The following ARHGEF28 variants were observed in gnomAD, a reference collection of about 807,000 sequenced individuals.
ARHGEF28 encodes the protein 190 kDa guanine nucleotide exchange factor.
ARHGEF28 carries 152 observed loss-of-function variants against 206.6 expected under a neutral mutation model. That is an observed-to-expected ratio of 0.74 (90% CI 0.64 to 0.84). The LOEUF is 0.84. Ranked by LOEUF, ARHGEF28 falls within the 40% of genes least tolerant of loss-of-function variation. ARHGEF28 has a pLI of 0.00. For synonymous variants in ARHGEF28, 763 were observed against 776.4 expected (o/e 0.98, Z 0.29); for missense variants, 2,028 against 2,073.2 (o/e 0.98, Z 0.42).
intron 2 of ARHGEF28, among the ~76,000 whole-genome samples, chr5:73,734,455 C>T (rs1016292059): frequency 2.6e-5 from 4 of 152,132 alleles, no homozygotes; most frequent in Admixed American, 1.3e-4. Flanking sequence ...GAGCAGGACA[C>T]ACTTCTAGGC....
chr5:73,892,942 G>A (rs1278183534), intron 27 of ARHGEF28, among the ~76,000 whole-genome samples: 1 of 152,142 alleles, frequency 6.6e-6, no homozygotes, highest in African/African-American at 2.4e-5. Flanking sequence ...TGTGTGTGGT[G>A]AGTGTATGTT....
At chr5:73,658,816 G>A (rs114308336) in intron 1 of ARHGEF28, among the ~76,000 whole-genome samples, 1,687 of 152,190 alleles carry the variant, frequency 0.011, 29 homozygotes, top group African/African-American at 0.038. Flanking sequence ...GTTTTGCTAG[G>A]CACATTCCAC....
In ARHGEF28 at chr5:73,774,317, A is replaced by G. The variant is rs563246430; in HGVS notation, c.659+279A>G. The stretch of plus-strand genomic sequence containing the variant: ...CATTTAGATTTCAGCTTAAATGTCA[A>G]CCCCTTCTGTGTTATTCTCTTTGAT... On this transcript the variant is annotated intron_variant, in intron 5 of 35. Coordinates refer to ENST00000513042, the MANE Select transcript of ARHGEF28 (RefSeq NM_001177693.2). Among the ~76,000 whole-genome samples the G allele has an allele frequency of 7.2e-5, 11 of 152,274 alleles. No individual in the cohort carries two copies. In the East Asian group the frequency reaches 1.2e-3, roughly 16 times the overall value.
intron 2 of ARHGEF28, among the ~76,000 whole-genome samples, chr5:73,737,434 T>A (rs10063275): frequency 6.7e-6 from 1 of 149,876 alleles, no homozygotes; most frequent in South Asian, 2.1e-4. Flanking sequence ...CACCGAGCCC[T>A]CTTCCTTCTT....
intron 31 of ARHGEF28, chr5:73,902,877 A>G (rs1226600788): frequency 2.0e-5 from 3 of 151,740 alleles, no homozygotes; most frequent in Non-Finnish European, 4.4e-5. Flanking sequence ...GACTATAAAA[A>G]CTCTGTGCCA....
rs181784882 is a variant in ARHGEF28 at position 73,910,540 on chromosome 5, G to A, written c.4647+643G>A. On this transcript the variant is annotated intron_variant, in intron 34 of 35. Transcript: ENST00000513042. ...TTTGTCCTGGAGGCACACTCACTGC[G>A]AGCGTGCTCTTTTTCCAGTATTTGA... Among the ~76,000 whole-genome samples, 8 of 152,214 alleles carry A rather than the reference G, an allele frequency of 5.3e-5. No homozygotes were observed. The East Asian group carries it at 1.4e-3, about 26-fold the overall frequency.
intron 35 of ARHGEF28, among the ~76,000 whole-genome samples, chr5:73,916,298 C>T (rs557938912): frequency 2.6e-5 from 4 of 152,138 alleles, no homozygotes; most frequent in African/African-American, 9.6e-5. Context: ...GGCAATTTTC[C>T]TGGAAATTGA....
intron 16 of ARHGEF28, among the ~76,000 whole-genome samples, chr5:73,864,518 G>C (rs1429472421): frequency 6.6e-6 from 1 of 152,176 alleles, no homozygotes; most frequent in East Asian, 1.9e-4. Flanking sequence ...AGTTCTCAGG[G>C]AGACACAGAA....
In ARHGEF28 at chr5:73,870,214, G is replaced by A. The variant is rs1369421349; in HGVS notation, c.2566+5G>A. On this transcript the variant is annotated splice_donor_5th_base_variant and intron_variant, in intron 21 of 35. Coordinates refer to ENST00000513042, the MANE Select transcript of ARHGEF28 (RefSeq NM_001177693.2). ...AAAGACAGGATGTCATTTTTGGTAA[G>A]CGTTTCAAATATGCTCTTTGGGTTG... 2.5e-6 allele frequency: 4 copies of A among 1,612,524 alleles called. No individual in the cohort carries two copies. Among genetic ancestry groups the A allele is most frequent in the Non-Finnish European group, 3.4e-6 (4 of 1,179,202 alleles).
chr5:73,857,509 T>TC, intron 14 of ARHGEF28, 147 bp from the exon 15 acceptor site: 1 of 733,118 alleles, frequency 1.4e-6, no homozygotes, highest in Non-Finnish European at 2.1e-6. Context: ...GAATTGTTTT[T>TC]CTCTTTAGAA....
chr5:73,701,109 C>T (rs1013122029), intron 2 of ARHGEF28, among the ~76,000 whole-genome samples: 2 of 152,096 alleles, frequency 1.3e-5, no homozygotes, highest in African/African-American at 4.8e-5. Flanking sequence ...CCTGTTTTAG[C>T]AGTACAGTGT....
At chr5:73,853,503 A>G (rs539360504) in intron 14 of ARHGEF28, among the ~76,000 whole-genome samples, 2 of 152,220 alleles carry the variant, frequency 1.3e-5, no homozygotes, top group South Asian at 2.1e-4. Flanking sequence ...TAAATCCTGG[A>G]ATCAAAGTAT....
chr5:73,892,010 C>G lies in ARHGEF28; in HGVS notation c.3388-42C>G, dbSNP rs770060162. On this transcript the variant is annotated intron_variant, in intron 26 of 35. Coordinates refer to ENST00000513042, the MANE Select transcript of ARHGEF28 (RefSeq NM_001177693.2). ...CATGTTTTACGGAGCCTTACTTTAG[C>G]TAGGATGCTGTTTCATCTGCTCACC... 1.9e-6 allele frequency: 3 copies of G among 1,548,036 alleles called. No individual in the cohort carries two copies. In the South Asian group the frequency reaches 3.6e-5, roughly 19 times the overall value.
intron 7 of ARHGEF28, among the ~76,000 whole-genome samples, chr5:73,785,994 C>T (rs1264045995): frequency 1.4e-5 from 2 of 147,882 alleles, no homozygotes; most frequent in Non-Finnish European, 3.0e-5. Flanking sequence ...CATATCCATC[C>T]ATTCAGTAAA....
chr5:73,741,311 G>A (rs1751361565), intron 2 of ARHGEF28, among the ~76,000 whole-genome samples: 1 of 148,434 alleles, frequency 6.7e-6, no homozygotes, highest in Non-Finnish European at 1.5e-5. Flanking sequence ...ATTCCATCAA[G>A]GGTGAAAGTC....
At chr5:73,668,895 G>T (rs1486470658) in intron 1 of ARHGEF28, among the ~76,000 whole-genome samples, 2 of 152,010 alleles carry the variant, frequency 1.3e-5, no homozygotes, top group Non-Finnish European at 2.9e-5. Context: ...ATAACTTTAG[G>T]TGAGTTATTG....
At chr5:73,794,546 A>G (rs1754683250) in intron 8 of ARHGEF28, 92 bp downstream of exon 8, 4 of 996,884 alleles carry the variant, frequency 4.0e-6, no homozygotes, top group Non-Finnish European at 5.7e-6. Flanking sequence ...AAAAAACACT[A>G]AAAAAAGGAT....
rs1247671844 is a variant in ARHGEF28, at chr5:73,937,951, A to C, written c.4949-2893A>C. ...AGACAGACTGTCTGACCTTGCCTAC[A>C]TAGTTCAGGTAGAAACCAAGAAGGA... On this transcript the variant is annotated intron_variant, in intron 35 of 35. Coordinates refer to ENST00000513042, the MANE Select transcript of ARHGEF28 (RefSeq NM_001177693.2). Among the ~76,000 whole-genome samples the C allele has an allele frequency of 2.0e-5, 3 of 152,292 alleles. 1 individual carries two copies. The highest frequency in any genetic ancestry group is 6.8e-3 in the Middle Eastern group (2 of 292).
intron 35 of ARHGEF28, among the ~76,000 whole-genome samples, chr5:73,921,762 ACT>A (rs1355197033): frequency 1.3e-5 from 2 of 152,064 alleles, no homozygotes; most frequent in East Asian, 1.9e-4. Context: ...AATTCGGGAG[ACT>A]CTGCTTCTCT....
Sources: gnomAD v4.1 joint callset for allele counts (sites outside exome capture counted in the v4.1 genomes callset) on GRCh38, gnomAD v4.1.1 for gene constraint, MANE v1.5 for transcripts, NCBI Gene and HGNC (gene_info 2026-07-23, HGNC 2026-07-21) for gene names.